The following RIMS3 variants were observed in gnomAD, a reference collection of about 807,000 sequenced individuals.
RIMS3 encodes regulating synaptic membrane exocytosis 3.
In RIMS3, 15 loss-of-function variants were observed where a neutral mutation model predicts 29.2. That is an observed-to-expected ratio of 0.51 (90% CI 0.34 to 0.79). The LOEUF is 0.79. RIMS3 is among the 30% of genes least tolerant of loss of function. RIMS3 has a pLI of 0.01. For missense variants in RIMS3, 342 were observed against 421.4 expected (o/e 0.81, Z 1.65); for synonymous variants, 161 against 170.1 (o/e 0.95, Z 0.41).
chr1:40,691,855 C>G, the RIMS3 span: 2 of 430,388 alleles, frequency 4.6e-6, no homozygotes, highest in East Asian at 8.3e-5. Flanking sequence ...TCTTCCTGGA[C>G]TCCTGAGCAG....
the RIMS3 span, among the ~76,000 whole-genome samples, chr1:40,680,665 T>C: frequency 1.3e-5 from 2 of 152,196 alleles, no homozygotes; most frequent in Non-Finnish European, 1.5e-5. Context: ...CCAGTACACA[T>C]GTCTATGTGT....
chr1:40,682,545 C>T, the RIMS3 span, among the ~76,000 whole-genome samples: 13 of 151,990 alleles, frequency 8.6e-5, no homozygotes, highest in Admixed American at 3.3e-4. Flanking sequence ...GATTAAGAGA[C>T]GAGGTAACTT....
chr1:40,689,633 C>A, the RIMS3 span, among the ~76,000 whole-genome samples: 1 of 152,082 alleles, frequency 6.6e-6, no homozygotes, highest in Non-Finnish European at 1.5e-5. Flanking sequence ...CCAAGCTTGA[C>A]GACATTAGGG....
the RIMS3 span, among the ~76,000 whole-genome samples, chr1:40,677,002 T>A: frequency 4.1e-5 from 1 of 24,268 alleles, no homozygotes; most frequent in African/African-American, 1.4e-4. Context: ...ACAGGTGGAA[T>A]TTTTTTTTTT....
intron 1 of RIMS3, among the ~76,000 whole-genome samples, chr1:40,650,326 G>A (rs1646623670): frequency 6.6e-6 from 1 of 152,198 alleles, no homozygotes; most frequent in African/African-American, 2.4e-5. Context: ...GCAGGGACTT[G>A]AAGGAACAAT....
chr1:40,644,880 T>A (rs983188718), intron 2 of RIMS3, among the ~76,000 whole-genome samples: 1 of 152,184 alleles, frequency 6.6e-6, no homozygotes, highest in African/African-American at 2.4e-5. Context: ...AGTCTGCCTA[T>A]TCAAAAGGAC....
chr1:40,638,141 A>G (rs939509266), intron 3 of RIMS3, among the ~76,000 whole-genome samples: 1 of 152,080 alleles, frequency 6.6e-6, no homozygotes, highest in African/African-American at 2.4e-5. Context: ...CCTCCCCCAA[A>G]TTTCACAGAT....
At chr1:40,672,252 G>A in the RIMS3 span, among the ~76,000 whole-genome samples, 1 of 135,062 alleles carries the variant, frequency 7.4e-6, no homozygotes, top group African/African-American at 2.9e-5. Context: ...AGGCCGGACT[G>A]CAGTGGTGCT....
intron 1 of RIMS3, among the ~76,000 whole-genome samples, chr1:40,653,245 C>A (rs181555388): frequency 6.6e-6 from 1 of 152,012 alleles, no homozygotes; most frequent in African/African-American, 2.4e-5. Context: ...AAGGAGAATG[C>A]CCAGAAGAGA....
chr1:40,646,058 G>T (rs1050545760), intron 2 of RIMS3, among the ~76,000 whole-genome samples: 1 of 152,166 alleles, frequency 6.6e-6, no homozygotes, highest in African/African-American at 2.4e-5. Context: ...TGTGGGATTC[G>T]AACGTGAACA....
In RIMS3 at chr1:40,654,701, G is replaced by A. The variant is rs1244561480; in HGVS notation, c.-206-6859C>T. 6.6e-6 allele frequency among the ~76,000 whole-genome samples: 1 copy of A among 151,880 alleles called. No homozygotes were observed. The highest frequency in any genetic ancestry group is 1.5e-5 in the Non-Finnish European group (1 of 67,980). On this transcript the variant is annotated intron_variant, in intron 1 of 7. Coordinates refer to ENST00000372684, the MANE Select transcript of RIMS3 (RefSeq NM_014747.3). The surrounding 1 kb of genome is among the most constrained non-coding windows in gnomAD (Gnocchi z 5.3). Reference sequence around the variant, plus strand: ...CGCTGCAGAAAAACTCCCTCGCAGAGAACTGCAGACATATCGCATGAAGAT... The same window carrying A: ...CGCTGCAGAAAAACTCCCTCGCAGAAAACTGCAGACATATCGCATGAAGAT...
the RIMS3 span, among the ~76,000 whole-genome samples, chr1:40,675,681 C>A: frequency 6.7e-6 from 1 of 149,124 alleles, no homozygotes; most frequent in Admixed American, 6.7e-5. Context: ...TCACTTGAAC[C>A]TGGGAGGCGG....
At chr1:40,674,585 T>C in the RIMS3 span, among the ~76,000 whole-genome samples, 1 of 152,100 alleles carries the variant, frequency 6.6e-6, no homozygotes, top group Admixed American at 6.6e-5. Context: ...CTTCAGGAGG[T>C]GATTAGGTCA....
the RIMS3 span, chr1:40,673,188 A>AG: frequency 6.6e-6 from 1 of 152,162 alleles, no homozygotes; most frequent in African/African-American, 2.4e-5. Context: ...CAAAAAAAAA[A>AG]GCATCTCAGG....
At chr1:40,661,992 TC>T (rs1642359213) in intron 1 of RIMS3, among the ~76,000 whole-genome samples, 1 of 152,104 alleles carries the variant, frequency 6.6e-6, no homozygotes, top group Non-Finnish European at 1.5e-5. Flanking sequence ...AACAACCGGT[TC>T]CCTGGGACCG....
intron 3 of RIMS3, among the ~76,000 whole-genome samples, chr1:40,639,091 A>T (rs1286981420): frequency 6.6e-6 from 1 of 152,296 alleles, no homozygotes; most frequent in South Asian, 2.1e-4. Flanking sequence ...AGGTCTAGCC[A>T]TTGCACAGTA....
the RIMS3 span, among the ~76,000 whole-genome samples, chr1:40,673,914 T>C: frequency 6.6e-6 from 1 of 151,630 alleles, no homozygotes; most frequent in East Asian, 1.9e-4. Context: ...GTTGTAAAGA[T>C]TAAATGAGAA....
rs1642236489 is a variant in RIMS3, at chr1:40,654,126, G to T, written c.-206-6284C>A. On this transcript the variant is annotated intron_variant, in intron 1 of 7. Coordinates refer to ENST00000372684, the MANE Select transcript of RIMS3 (RefSeq NM_014747.3). The surrounding 1 kb of genome is among the most constrained non-coding windows in gnomAD (Gnocchi z 5.3). ...CTCGCTCCCAGTCCCTCCCCCGCCT[G>T]CCCTCCCATCTCCTCCCCTCCCCTT... 6.8e-6 allele frequency among the ~76,000 whole-genome samples: 1 copy of T among 146,298 alleles called. No homozygotes were observed. The highest frequency in any genetic ancestry group is 6.8e-5 in the Admixed American group (1 of 14,696).
At chr1:40,690,241 TAG>T in the RIMS3 span, 3 of 152,236 alleles carry the variant, frequency 2.0e-5, no homozygotes, top group East Asian at 1.9e-4. Context: ...TAAACATCTG[TAG>T]AGAGACTTAT....
Sources: allele counts gnomAD v4.1 joint callset (sites outside exome capture counted in the v4.1 genomes callset), GRCh38; gene constraint gnomAD v4.1.1; non-coding constraint Gnocchi (gnomAD v3.1); transcripts MANE v1.5; gene names NCBI Gene and HGNC (gene_info 2026-07-23, HGNC 2026-07-21).